WDFY4: variants seen among roughly 807,000 people sequenced by gnomAD.
WDFY4 encodes WD repeat- and FYVE domain-containing protein 4.
WDFY4 carries 169 observed loss-of-function variants against 351.9 expected under a neutral mutation model. The observed-to-expected ratio is 0.48, with a 90% CI of 0.42 to 0.55. The LOEUF (loss-of-function observed/expected upper bound fraction) is 0.55, where lower values mean the gene tolerates loss of function less well. WDFY4 is among the 20% of genes least tolerant of loss of function. The pLI is 0.00. For missense variants in WDFY4, 3,803 were observed against 3,935.6 expected (o/e 0.97, Z 0.90); for synonymous variants, 1,622 against 1,574.6 (o/e 1.03, Z -0.71).
At chr10:48,979,304 C>T (rs1842707417) in intron 60 of WDFY4, among the ~76,000 whole-genome samples, 1 of 152,170 alleles carries the variant, frequency 6.6e-6, no homozygotes, top group African/African-American at 2.4e-5. Flanking sequence ...TTCTAAGGAA[C>T]CCAGCACATC....
At chr10:48,873,288 T>G (rs2069855825) in intron 40 of WDFY4, among the ~76,000 whole-genome samples, 1 of 152,200 alleles carries the variant, frequency 6.6e-6, no homozygotes, top group South Asian at 2.1e-4. Context: ...CTAACTTGGA[T>G]TAAGATATCT....
intron 23 of WDFY4, among the ~76,000 whole-genome samples, chr10:48,794,242 G>C (rs919468293): frequency 6.6e-6 from 1 of 152,138 alleles, no homozygotes; most frequent in Non-Finnish European, 1.5e-5. Flanking sequence ...TGGGGATGAG[G>C]TTCAAGCAGG....
chr10:48,812,470 G>A (rs983675794), intron 30 of WDFY4, among the ~76,000 whole-genome samples: 19 of 151,998 alleles, frequency 1.3e-4, no homozygotes, highest in South Asian at 4.1e-4. Context: ...GATTACAGGC[G>A]TGACCCACCG....
At chr10:48,752,052 T>C (rs2065201079) in intron 12 of WDFY4, among the ~76,000 whole-genome samples, 2 of 152,186 alleles carry the variant, frequency 1.3e-5, no homozygotes, top group South Asian at 4.1e-4. Context: ...ACAGGTCCCT[T>C]GCGAGATACA....
intron 35 of WDFY4, 63 bp from the exon 36 acceptor site, chr10:48,826,608 C>A: frequency 7.9e-7 from 1 of 1,269,348 alleles, no homozygotes; most frequent in Non-Finnish European, 1.1e-6. Context: ...TAAACTGGAT[C>A]TGTATCTAAA....
At chr10:48,777,785 C>T (rs1417349603) in intron 17 of WDFY4, among the ~76,000 whole-genome samples, 1 of 152,200 alleles carries the variant, frequency 6.6e-6, no homozygotes, top group Non-Finnish European at 1.5e-5. Flanking sequence ...TTGCCTTGGT[C>T]CTGAGTATCT....
chr10:48,897,696 G>A, intron 45 of WDFY4, 122 bp downstream of exon 45: 6 of 1,429,206 alleles, frequency 4.2e-6, no homozygotes, highest in Non-Finnish European at 5.5e-6. Context: ...GCACAGCCCA[G>A]TGCCCTTAAG....
In WDFY4 at chr10:48,873,579, G is replaced by A. The variant is rs1465180093; in HGVS notation, c.6830G>A (p.Gly2277Glu). The A allele has an allele frequency of 6.4e-7, 1 of 1,551,752 alleles. No homozygotes were observed. Among genetic ancestry groups the A allele is most frequent in the East Asian group, 2.4e-5 (1 of 40,920 alleles). Reference protein sequence around the residue: ...LFGELGLWSQGEETKPCSPWE... With the variant: ...LFGELGLWSQEEETKPCSPWE... Reference sequence around the variant, plus strand: ...GGGGAGCTGGGCTTGTGGAGCCAGGGGGAAGAAACCAAGCCCTGTTCCCCA... The same window carrying A: ...GGGGAGCTGGGCTTGTGGAGCCAGGAGGAAGAAACCAAGCCCTGTTCCCCA... The change falls in exon 41 of 62, where the codon GGG (glycine) becomes GAG (glutamate). Residue 2277 changes from glycine to glutamate, a missense_variant. This residue lies in a region of WDFY4 where 3,054 missense variants were observed against 3,148.6 expected (regional missense o/e 0.97). Coordinates refer to ENST00000325239, the MANE Select transcript of WDFY4 (RefSeq NM_001394531.1).
At chr10:48,693,269 T>C (rs1268990656) in intron 1 of WDFY4, among the ~76,000 whole-genome samples, 1 of 151,982 alleles carries the variant, frequency 6.6e-6, no homozygotes, top group African/African-American at 2.4e-5. Context: ...GTGGGGTGGA[T>C]GGGAGGTGGA....
At chr10:48,904,853 C>T (rs1305830778) in intron 47 of WDFY4, among the ~76,000 whole-genome samples, 1 of 152,152 alleles carries the variant, frequency 6.6e-6, no homozygotes, top group African/African-American at 2.4e-5. Flanking sequence ...CTACATAGAC[C>T]AAATTGAGGG....
At chr10:48,685,419 G>A (rs994081443) in intron 1 of WDFY4, among the ~76,000 whole-genome samples, 3 of 152,174 alleles carry the variant, frequency 2.0e-5, no homozygotes, top group Admixed American at 6.5e-5. Flanking sequence ...AGTGAGGCTC[G>A]CCCTCCAAGC....
intron 51 of WDFY4, among the ~76,000 whole-genome samples, chr10:48,955,884 CAT>C (rs1282022176): frequency 6.6e-6 from 1 of 152,098 alleles, no homozygotes; most frequent in African/African-American, 2.4e-5. Context: ...CCTTGTTCCA[CAT>C]GTGTGCTCTG....
chr10:48,808,005 A>T, intron 28 of WDFY4, 47 bp downstream of exon 28: 1 of 1,434,452 alleles, frequency 7.0e-7, no homozygotes, highest in Non-Finnish European at 9.3e-7. Flanking sequence ...TACCTCATAC[A>T]GGGTGTGGCA....
intron 12 of WDFY4, among the ~76,000 whole-genome samples, chr10:48,758,241 T>C (rs1014699920): frequency 2.6e-5 from 4 of 152,206 alleles, no homozygotes; most frequent in Non-Finnish European, 5.9e-5. Flanking sequence ...AAAAATGTTG[T>C]TTCCATGACT....
chr10:48,936,104 G>T (rs1203692708), intron 47 of WDFY4, among the ~76,000 whole-genome samples: 2 of 151,950 alleles, frequency 1.3e-5, no homozygotes, highest in Non-Finnish European at 1.5e-5. Context: ...TAGCAAATAA[G>T]TGAAATAAGT....
chr10:48,757,952 A>G (rs2065385829), intron 12 of WDFY4, among the ~76,000 whole-genome samples: 1 of 152,062 alleles, frequency 6.6e-6, no homozygotes, highest in African/African-American at 2.4e-5. Flanking sequence ...GTCACTTTCA[A>G]CCATCATACC....
intron 45 of WDFY4, among the ~76,000 whole-genome samples, chr10:48,898,982 G>A (rs1453382068): frequency 2.6e-5 from 4 of 152,034 alleles, no homozygotes. Context: ...TACAATTTTA[G>A]GCACAAAATA....
chr10:48,937,070 T>G (rs1468049759), intron 47 of WDFY4, among the ~76,000 whole-genome samples: 1 of 151,822 alleles, frequency 6.6e-6, no homozygotes, highest in Non-Finnish European at 1.5e-5. Flanking sequence ...ATTTTTGTAT[T>G]TTTAGTAGAG....
intron 39 of WDFY4, among the ~76,000 whole-genome samples, chr10:48,852,205 G>A (rs1345845346): frequency 2.0e-5 from 3 of 152,322 alleles, no homozygotes; most frequent in Non-Finnish European, 4.4e-5. Flanking sequence ...AGGCCAGTGG[G>A]AAGGTGGAGA....
Sources: gnomAD v4.1 joint callset for allele counts (sites outside exome capture counted in the v4.1 genomes callset) on GRCh38, gnomAD v4.1.1 for gene constraint, gnomAD v4.1.1 regional missense constraint, MANE v1.5 for transcripts, NCBI Gene and HGNC (gene_info 2026-07-23, HGNC 2026-07-21) for gene names.